Variants in KIF15 observed in about 807,000 individuals in gnomAD.
KIF15 encodes kinesin-like protein KIF15.
In KIF15, 140 loss-of-function variants were observed where a neutral mutation model predicts 190.6. The observed-to-expected ratio is 0.73, with a 90% CI of 0.64 to 0.84. The LOEUF (loss-of-function observed/expected upper bound fraction) is 0.84. KIF15 is among the 40% of genes least tolerant of loss of function. KIF15 has a pLI of 0.00. For synonymous variants in KIF15, 528 were observed against 551.3 expected, an observed-to-expected ratio of 0.96 and a Z score of 0.59; for missense variants, 1,372 against 1,584.4, an observed-to-expected ratio of 0.87 and a Z score of 2.28.
intron 25 of KIF15, among the ~76,000 whole-genome samples, chr3:44,830,652 TC>T (rs1559577027): frequency 6.6e-6 from 1 of 152,350 alleles, no homozygotes; most frequent in Non-Finnish European, 1.5e-5. Context: ...CTTGCTGCAC[TC>T]CATGTTTATT....
intron 20 of KIF15, among the ~76,000 whole-genome samples, chr3:44,822,854 A>G (rs556932266): frequency 3.0e-4 from 46 of 152,248 alleles, no homozygotes; most frequent in Admixed American, 9.2e-4. Context: ...TTTCAGCCCC[A>G]TCAGTTCATT....
chr3:44,831,413 T>C (rs1244182616), intron 26 of KIF15, among the ~76,000 whole-genome samples: 1 of 152,182 alleles, frequency 6.6e-6, no homozygotes, highest in Non-Finnish European at 1.5e-5. Flanking sequence ...CTAGCTAATC[T>C]ATTTTCCGTC....
Position 44,821,908 on chromosome 3 carries a change from G to A in KIF15, c.2550-4131G>A, listed in dbSNP as rs564185794. Among the ~76,000 whole-genome samples, 627 of 152,358 alleles carry A rather than the reference G, an allele frequency of 4.1e-3. 5 individuals are homozygous for A. The highest frequency in any genetic ancestry group is 0.034 in the Middle Eastern group (10 of 294). ...AGGCCGAGGCTGGCGGATCACTCGCGGTTAGGAGCTGGAGACCAGCCCGGC... is the reference window on the plus strand; with the variant it reads ...AGGCCGAGGCTGGCGGATCACTCGCAGTTAGGAGCTGGAGACCAGCCCGGC... On this transcript the variant is annotated intron_variant, in intron 20 of 34. Transcript: ENST00000326047.
chr3:44,862,040 G>T, intron 6 of KIF15: 2 of 1,388,838 alleles, frequency 1.4e-6, no homozygotes, highest in Non-Finnish European at 1.9e-6. Context: ...CGCTTTTGGG[G>T]CGTATTCAAC....
intron 31 of KIF15, among the ~76,000 whole-genome samples, chr3:44,848,320 G>A (rs986462745): frequency 1.4e-4 from 22 of 152,196 alleles, no homozygotes; most frequent in African/African-American, 4.8e-4. Context: ...AGGCCTGTTT[G>A]AAGCCTTAGA....
chr3:44,779,601 G>A (rs1250991723), intron 4 of KIF15, among the ~76,000 whole-genome samples: 2 of 152,022 alleles, frequency 1.3e-5, no homozygotes, highest in Non-Finnish European at 2.9e-5. Flanking sequence ...TTGGGGGGCC[G>A]AGGTGCGTGG....
At chr3:44,868,595 G>A (rs1699344810) in intron 6 of KIF15, among the ~76,000 whole-genome samples, 1 of 152,116 alleles carries the variant, frequency 6.6e-6, no homozygotes, top group South Asian at 2.1e-4. Flanking sequence ...CCAGGAAAAG[G>A]GCCCTCATCA....
In KIF15 at chr3:44,852,933, G is replaced by A; in HGVS notation, c.*198G>A. 2.4e-6 allele frequency: 1 copy of A among 416,894 alleles called. No homozygotes were observed. The highest frequency in any genetic ancestry group is 4.2e-6 in the Non-Finnish European group (1 of 238,944). The allele number at this position is 416,894 out of a possible 1,614,324, so 25.8% of individuals were successfully genotyped here. On this transcript the variant is annotated 3_prime_UTR_variant, in exon 35 of 35. Coordinates refer to ENST00000326047, the MANE Select transcript of KIF15 (RefSeq NM_020242.3). The stretch of plus-strand genomic sequence containing the variant: ...TACACCCTGTGACAGTCAGCAGTCT[G>A]CTATTAAGTGGCCTACTTCAAGGCT...
intron 1 of KIF15, among the ~76,000 whole-genome samples, chr3:44,763,588 C>T (rs1381989261): frequency 1.3e-5 from 2 of 152,146 alleles, no homozygotes; most frequent in Non-Finnish European, 1.5e-5. Context: ...GCATGAGCCA[C>T]CACACCCGGC....
chr3:44,829,115 T>C (rs1697834355), intron 24 of KIF15, among the ~76,000 whole-genome samples: 1 of 151,930 alleles, frequency 6.6e-6, no homozygotes, highest in Admixed American at 6.6e-5. Context: ...CCCAGCACTT[T>C]GGGAGGCTGA....
chr3:44,829,434 AT>A (rs1437152736), intron 24 of KIF15, among the ~76,000 whole-genome samples: 2 of 139,416 alleles, frequency 1.4e-5, no homozygotes, highest in East Asian at 4.0e-4. Context: ...TATAATATAT[AT>A]GTATATATTA....
intron 6 of KIF15, among the ~76,000 whole-genome samples, chr3:44,867,336 C>T (rs1699332540): frequency 6.6e-6 from 1 of 152,182 alleles, no homozygotes. Context: ...TTCTTAGGGG[C>T]TCTAGTGTTG....
At chr3:44,802,110 T>G in intron 13 of KIF15, 136 bp downstream of exon 13, 1 of 610,470 alleles carries the variant, frequency 1.6e-6, no homozygotes, top group Non-Finnish European at 2.9e-6. Flanking sequence ...GATTGCATAA[T>G]TCCTTTACCT....
chr3:44,845,556 GC>G (rs1698810896), intron 30 of KIF15, among the ~76,000 whole-genome samples: 1 of 152,102 alleles, frequency 6.6e-6, no homozygotes, highest in South Asian at 2.1e-4. Context: ...CCCTGTGGTG[GC>G]TGAGGCTACT....
intron 26 of KIF15, among the ~76,000 whole-genome samples, chr3:44,837,397 G>C (rs1202791632): frequency 6.6e-6 from 1 of 152,160 alleles, no homozygotes; most frequent in African/African-American, 2.4e-5. Context: ...GCATAGAATA[G>C]TGAAAAATTC....
chr3:44,816,110 A>G (rs1364180679), intron 20 of KIF15, among the ~76,000 whole-genome samples: 2 of 152,178 alleles, frequency 1.3e-5, no homozygotes, highest in Non-Finnish European at 2.9e-5. Flanking sequence ...AATACTGACA[A>G]TAGTTTCATA....
intron 7 of KIF15, among the ~76,000 whole-genome samples, chr3:44,788,259 A>C (rs939312532): frequency 6.6e-6 from 1 of 152,250 alleles, no homozygotes; most frequent in African/African-American, 2.4e-5. Flanking sequence ...TAAAAAATCA[A>C]GAATGTGTGT....
At chr3:44,864,232 G>A (rs896147536) in intron 6 of KIF15, 5 of 1,614,226 alleles carry the variant, frequency 3.1e-6, no homozygotes, top group Non-Finnish European at 3.4e-6. Context: ...GCATTATTGT[G>A]ATGGCGAGCA....
intron 24 of KIF15, 66 bp from the exon 25 acceptor site, chr3:44,829,904 TA>T (rs1267793020): frequency 6.7e-6 from 5 of 745,130 alleles, no homozygotes; most frequent in Non-Finnish European, 8.0e-6. Flanking sequence ...ATAAGTGATT[TA>T]CCATTTAAAA....
Sources: allele counts gnomAD v4.1 joint callset (sites outside exome capture counted in the v4.1 genomes callset), GRCh38; gene constraint gnomAD v4.1.1; transcripts MANE v1.5; gene names NCBI Gene and HGNC (gene_info 2026-07-23, HGNC 2026-07-21).